CNTNAP4: variants seen among roughly 807,000 people sequenced by gnomAD.
CNTNAP4 encodes the protein contactin-associated protein-like 4.
CNTNAP4 carries 98 observed loss-of-function variants against 148.4 expected under a neutral mutation model. The observed-to-expected ratio is 0.66, with a 90% CI of 0.56 to 0.78. CNTNAP4 has a LOEUF of 0.78. Among genes scored for constraint, CNTNAP4 ranks in the 30% least tolerant of loss-of-function variants. The pLI, the probability that CNTNAP4 is intolerant of heterozygous loss-of-function variation, is 0.00. For synonymous variants in CNTNAP4, 730 were observed against 565.1 expected (o/e 1.29, Z -4.14); for missense variants, 1,935 against 1,565.6 (o/e 1.24, Z -3.98).
rs571073193 is a variant in CNTNAP4 at position 76,452,568 on chromosome 16, A to T, written c.1132A>T (p.Arg378Trp). The change falls in exon 8 of 24, where the codon AGG (arginine) becomes TGG (tryptophan). Residue 378 changes from arginine (R) to tryptophan (W), a missense_variant. Arg to Trp is a moderately radical substitution (Grantham distance 101). Transcript: ENST00000611870. ...QSMPVTFLSS[R>W]SYLALPDFSG... ...TATGCCCGTGACTTTTCTGAGCTCC[A>T]GGAGTTATTTAGCACTGCCAGACTT... 6.2e-7 allele frequency: 1 copy of T among 1,614,014 alleles called. No individual in the cohort carries two copies. Among genetic ancestry groups the T allele is most frequent in the African/African-American group, 1.3e-5 (1 of 75,050 alleles).
intron 3 of CNTNAP4, among the ~76,000 whole-genome samples, chr16:76,377,315 A>G (rs1211146844): frequency 6.6e-6 from 1 of 152,186 alleles, no homozygotes; most frequent in African/African-American, 2.4e-5. Flanking sequence ...TGGGTATGGT[A>G]GCCTAGTCAA....
intron 3 of CNTNAP4, among the ~76,000 whole-genome samples, chr16:76,375,283 G>A (rs568316000): frequency 2.0e-5 from 3 of 152,040 alleles, no homozygotes; most frequent in East Asian, 3.9e-4. Flanking sequence ...TCAGCCAGGC[G>A]TGGTGGCATG....
intron 1 of CNTNAP4, among the ~76,000 whole-genome samples, chr16:76,283,180 G>T (rs1360618167): frequency 6.6e-6 from 1 of 151,846 alleles, no homozygotes; most frequent in Non-Finnish European, 1.5e-5. Flanking sequence ...TATCAGCTCT[G>T]CTCTACAAAT....
At chr16:76,470,482 A>AATATAT (rs67354977) in intron 10 of CNTNAP4, among the ~76,000 whole-genome samples, 7 of 96,998 alleles carry the variant, frequency 7.2e-5, no homozygotes, top group African/African-American at 3.3e-4. Context: ...CTCTACTAAT[A>AATATAT]ATATATATAT....
At chr16:76,540,126 G>C (rs2084387016) in intron 20 of CNTNAP4, among the ~76,000 whole-genome samples, 1 of 152,228 alleles carries the variant, frequency 6.6e-6, no homozygotes, top group African/African-American at 2.4e-5. Context: ...TAGGACCATT[G>C]CTATGCTAAT....
At chr16:76,467,271 T>A in intron 9 of CNTNAP4, 81 bp from the exon 10 acceptor site, 1 of 1,267,020 alleles carries the variant, frequency 7.9e-7, no homozygotes, top group East Asian at 2.5e-5. Context: ...GCCTCTTTCT[T>A]TTATTTTTTA....
At chr16:76,540,816 C>G in intron 21 of CNTNAP4, 26 bp downstream of exon 21, 1 of 1,453,986 alleles carries the variant, frequency 6.9e-7, no homozygotes, top group Non-Finnish European at 9.4e-7. Flanking sequence ...AACCTTTCCC[C>G]TAACCATGCT....
In CNTNAP4 at chr16:76,355,908, C is replaced by A. The variant is rs547497800; in HGVS notation, c.390+397C>A. Among the ~76,000 whole-genome samples the A allele has an allele frequency of 7.7e-4, 116 of 151,444 alleles. 1 individual carries two copies. The highest frequency in any genetic ancestry group is 2.8e-3 in the African/African-American group (115 of 41,224). ...TATTTATTTTTGAAACAGAGTCTCA[C>A]TCTGTCACCCAGGCTGGTTGCAGTG... is the stretch of plus-strand genomic sequence containing the variant. On this transcript the variant is annotated intron_variant, in intron 3 of 23. Transcript: ENST00000611870.
At chr16:76,394,975 G>A (rs1375184230) in intron 3 of CNTNAP4, among the ~76,000 whole-genome samples, 1 of 152,074 alleles carries the variant, frequency 6.6e-6, no homozygotes, top group African/African-American at 2.4e-5. Flanking sequence ...CCTTTCTCCT[G>A]ATGGAGAATT....
chr16:76,393,340 C>A (rs1416347294), intron 3 of CNTNAP4, among the ~76,000 whole-genome samples: 1 of 152,184 alleles, frequency 6.6e-6, no homozygotes, highest in Middle Eastern at 3.2e-3. Flanking sequence ...AACAAATCCT[C>A]CCTACTTTAT....
intron 10 of CNTNAP4, among the ~76,000 whole-genome samples, chr16:76,475,345 T>G (rs2081532452): frequency 6.6e-6 from 1 of 152,218 alleles, no homozygotes; most frequent in Non-Finnish European, 1.5e-5. Flanking sequence ...CTCAAGCTAG[T>G]TAGTCACACG....
At chr16:76,475,123 G>A (rs150516889) in intron 10 of CNTNAP4, among the ~76,000 whole-genome samples, 4 of 151,972 alleles carry the variant, frequency 2.6e-5, no homozygotes, top group Admixed American at 1.3e-4. Flanking sequence ...GTTGCAGTGA[G>A]CTGAGATTGT....
chr16:76,395,849 C>G (rs952966258), intron 3 of CNTNAP4, among the ~76,000 whole-genome samples: 1 of 152,076 alleles, frequency 6.6e-6, no homozygotes, highest in Non-Finnish European at 1.5e-5. Flanking sequence ...CTGCCTCAGC[C>G]TCCCTAGTAG....
intron 3 of CNTNAP4, among the ~76,000 whole-genome samples, chr16:76,393,383 C>T (rs1006210924): frequency 6.6e-6 from 1 of 152,138 alleles, no homozygotes; most frequent in African/African-American, 2.4e-5. Flanking sequence ...TGTATTTACC[C>T]CAGTGACAAT....
chr16:76,397,797 T>TTGTG (rs10687638), intron 3 of CNTNAP4, among the ~76,000 whole-genome samples: 55,023 of 143,832 alleles, frequency 0.38, 10,893 homozygotes, highest in Middle Eastern at 0.48. Context: ...GTGCATGTGT[T>TTGTG]TGTGTGTGTG....
chr16:76,477,748 T>C (rs1263157057), intron 11 of CNTNAP4, among the ~76,000 whole-genome samples: 1 of 152,224 alleles, frequency 6.6e-6, no homozygotes, highest in Admixed American at 6.5e-5. Flanking sequence ...TATATTTTAA[T>C]TTTTTACATC....
intron 3 of CNTNAP4, among the ~76,000 whole-genome samples, chr16:76,382,303 A>G (rs1474477408): frequency 1.3e-5 from 2 of 152,172 alleles, no homozygotes; most frequent in Non-Finnish European, 2.9e-5. Context: ...TATTAAGTTG[A>G]AGGCATAAAT....
At chr16:76,522,351 T>C (rs1018857916) in intron 17 of CNTNAP4, 94 bp downstream of exon 17, 1 of 1,024,608 alleles carries the variant, frequency 9.8e-7, no homozygotes, top group African/African-American at 1.6e-5. Context: ...ACAAGGATAA[T>C]AACAACAAGC....
intron 3 of CNTNAP4, among the ~76,000 whole-genome samples, chr16:76,405,824 T>C (rs547884410): frequency 1.5e-4 from 23 of 152,232 alleles, no homozygotes; most frequent in African/African-American, 5.3e-4. Context: ...CCTTTTTTTT[T>C]TACATAGCTA....
Sources: allele counts gnomAD v4.1 joint callset (sites outside exome capture counted in the v4.1 genomes callset), GRCh38; gene constraint gnomAD v4.1.1; transcripts MANE v1.5; gene names NCBI Gene and HGNC (gene_info 2026-07-23, HGNC 2026-07-21).